The following MTHFD1 variants were observed in gnomAD, a reference collection of about 807,000 sequenced individuals.
The protein encoded by MTHFD1 is methylenetetrahydrofolate dehydrogenase, cyclohydrolase and formyltetrahydrofolate synthetase 1.
MTHFD1 carries 44 observed loss-of-function variants against 110.3 expected under a neutral mutation model. The observed-to-expected ratio is 0.40, with a 90% CI of 0.31 to 0.51. The LOEUF (loss-of-function observed/expected upper bound fraction) is 0.51, where lower values mean the gene tolerates loss of function less well. Among genes scored for constraint, MTHFD1 ranks in the 20% least tolerant of loss-of-function variants. MTHFD1 has a pLI of 0.60. For missense variants in MTHFD1, 909 were observed against 1,173.1 expected (o/e 0.77, Z 3.29); for synonymous variants, 402 against 428.8 (o/e 0.94, Z 0.77).
At chr14:64,431,479 T>A in intron 13 of MTHFD1, 53 bp from the exon 14 acceptor site, 2 of 1,465,374 alleles carry the variant, frequency 1.4e-6, no homozygotes, top group South Asian at 1.1e-5. Flanking sequence ...AGAATGAAAG[T>A]TGGAAAGATA....
chr14:64,450,321 A>T (rs1482110255), intron 24 of MTHFD1, among the ~76,000 whole-genome samples: 2 of 152,112 alleles, frequency 1.3e-5, no homozygotes, highest in African/African-American at 2.4e-5. Flanking sequence ...AGCTTACAAA[A>T]TTTTTCTGAT....
intron 16 of MTHFD1, among the ~76,000 whole-genome samples, chr14:64,436,315 C>T (rs2078205819): frequency 6.6e-6 from 1 of 152,144 alleles, no homozygotes; most frequent in African/African-American, 2.4e-5. Flanking sequence ...AGGATGGTCT[C>T]AATCTCCTGA....
At chr14:64,437,096 A>G (rs2078211628) in intron 16 of MTHFD1, among the ~76,000 whole-genome samples, 1 of 146,516 alleles carries the variant, frequency 6.8e-6, no homozygotes, top group Admixed American at 6.9e-5. Context: ...TGCCTTAAAA[A>G]TGCTTCTCCT....
intron 1 of MTHFD1, among the ~76,000 whole-genome samples, chr14:64,394,706 A>G (rs1410354292): frequency 6.6e-6 from 1 of 152,186 alleles, no homozygotes; most frequent in East Asian, 1.9e-4. Context: ...ACTTAACATT[A>G]TAAGTGATCT....
intron 2 of MTHFD1, among the ~76,000 whole-genome samples, chr14:64,410,007 A>C (rs1343914271): frequency 1.3e-5 from 2 of 152,350 alleles, no homozygotes; most frequent in African/African-American, 4.8e-5. Flanking sequence ...TGGGAGAAAC[A>C]CAACTTATGG....
At chr14:64,456,537 A>G (rs765753098) in intron 26 of MTHFD1, among the ~76,000 whole-genome samples, 2 of 152,092 alleles carry the variant, frequency 1.3e-5, no homozygotes, top group Non-Finnish European at 2.9e-5. Flanking sequence ...CAAAAATCCT[A>G]CTCATCACTG....
chr14:64,396,397 T>A (rs2077849160), intron 1 of MTHFD1, among the ~76,000 whole-genome samples: 2 of 148,748 alleles, frequency 1.3e-5, no homozygotes, highest in African/African-American at 2.5e-5. Flanking sequence ...AGGTTTTTTT[T>A]TTTTTTTTTT....
At chr14:64,389,941 A>G (rs1020848902) in intron 1 of MTHFD1, among the ~76,000 whole-genome samples, 1 of 152,246 alleles carries the variant, frequency 6.6e-6, no homozygotes, top group East Asian at 1.9e-4. Context: ...ATAATAATGC[A>G]TCTGGGCCAG....
At chr14:64,412,829 G>A (rs963219703) in intron 4 of MTHFD1, among the ~76,000 whole-genome samples, 26 of 151,454 alleles carry the variant, frequency 1.7e-4, no homozygotes, top group Admixed American at 2.6e-4. Flanking sequence ...ATAGAGACGC[G>A]GTTTCACCAC....
At chr14:64,431,175 C>T (rs550843992) in intron 13 of MTHFD1, among the ~76,000 whole-genome samples, 3 of 151,358 alleles carry the variant, frequency 2.0e-5, no homozygotes, top group African/African-American at 7.3e-5. Flanking sequence ...CCCAAGTTCT[C>T]CTGCCTCAGC....
chr14:64,397,138 AATATATATAT>A (rs1182197415), intron 1 of MTHFD1, among the ~76,000 whole-genome samples: 121 of 11,924 alleles, frequency 0.01, 6 homozygotes, highest in East Asian at 0.057. Flanking sequence ...AAAAAAAAAA[AATATATATAT>A]ATATATATAT....
chr14:64,397,572 C>T (rs1202066235), intron 1 of MTHFD1, among the ~76,000 whole-genome samples: 1 of 152,032 alleles, frequency 6.6e-6, no homozygotes, highest in Admixed American at 6.6e-5. Flanking sequence ...GGATTGCAGG[C>T]GTGAGCCATC....
At chr14:64,459,507 T>A (rs532416623) in intron 27 of MTHFD1, among the ~76,000 whole-genome samples, 244 of 152,360 alleles carry the variant, frequency 1.6e-3, no homozygotes, top group Non-Finnish European at 2.5e-3. Flanking sequence ...AGAGGGTATG[T>A]GTGATACTCG....
At position 64,449,545 on chromosome 14, in the gene MTHFD1, G is replaced by A. The variant is rs1803951; in HGVS notation, c.2380G>A (p.Gly794Ser). ...CACTCACTGGGCAGAAGGGGGCAAGGGTGCCTTAGCCCTGGCTCAGGCCGT... is the reference window on the plus strand; with the variant it reads ...CACTCACTGGGCAGAAGGGGGCAAGAGTGCCTTAGCCCTGGCTCAGGCCGT... Reference protein sequence around the residue: ...KCTHWAEGGKGALALAQAVQR... With the variant: ...KCTHWAEGGKSALALAQAVQR... The change falls in exon 24 of 28, where the codon GGT becomes AGT. Residue 794 changes from glycine (G) to serine (S), a missense_variant. Gly to Ser is a moderately conservative substitution (Grantham distance 56). Around this residue, in one of 3 missense-constraint regions of MTHFD1, gnomAD observed 482 missense variants for 646.0 expected, o/e 0.75. Transcript: ENST00000652337. The A allele has an allele frequency of 6.2e-7, 1 of 1,614,166 alleles. No individual in the cohort carries two copies. Among genetic ancestry groups the A allele is most frequent in the Admixed American group, 1.7e-5 (1 of 60,030 alleles).
At chr14:64,444,602 C>T (rs1307172801) in intron 21 of MTHFD1, 91 bp from the exon 22 acceptor site, 3 of 1,382,288 alleles carry the variant, frequency 2.2e-6, no homozygotes, top group Non-Finnish European at 2.1e-6. Flanking sequence ...GCAAGCATTG[C>T]AGCGTCTTGC....
chr14:64,411,261 A>G (rs1161386157), intron 3 of MTHFD1, 112 bp downstream of exon 3: 5 of 773,906 alleles, frequency 6.5e-6, no homozygotes, highest in Non-Finnish European at 1.1e-5. Flanking sequence ...CCCACAGGAG[A>G]CATTAGTTTA....
At chr14:64,391,962 T>C (rs182302146) in intron 1 of MTHFD1, among the ~76,000 whole-genome samples, 216 of 152,292 alleles carry the variant, frequency 1.4e-3, no homozygotes, top group African/African-American at 4.9e-3. Context: ...TGAAACACAT[T>C]GTGAGCTGGT....
Position 64,443,934 on chromosome 14 carries a change from C to A in MTHFD1, c.2137-759C>A, listed in dbSNP as rs528597384. On this transcript the variant is annotated intron_variant, in intron 21 of 27. Coordinates refer to ENST00000652337, the MANE Select transcript of MTHFD1 (RefSeq NM_005956.4). ...TGTAAGGTCCTTGCTTCTTGCTCTG[C>A]CTCCACACAGCCCCTTCTGGAGTTG... Among the ~76,000 whole-genome samples, 9 of 152,284 alleles carry A rather than the reference C, an allele frequency of 5.9e-5. No individual in the cohort carries two copies. The East Asian group carries it at 1.2e-3, about 20-fold the overall frequency.
At chr14:64,436,581 G>A (rs2078207704) in intron 16 of MTHFD1, among the ~76,000 whole-genome samples, 1 of 152,136 alleles carries the variant, frequency 6.6e-6, no homozygotes, top group Non-Finnish European at 1.5e-5. Context: ...CTTCTATTCT[G>A]TATCACTATT....
Sources: gnomAD v4.1 joint callset for allele counts (sites outside exome capture counted in the v4.1 genomes callset) on GRCh38, gnomAD v4.1.1 for gene constraint, gnomAD v4.1.1 regional missense constraint, MANE v1.5 for transcripts, NCBI Gene and HGNC (gene_info 2026-07-23, HGNC 2026-07-21) for gene names.